Variants in OR3A2 observed in about 807,000 individuals in gnomAD.
OR3A2 encodes the protein olfactory receptor 3A2.
For missense variants in OR3A2, 318 were observed against 392.8 expected (o/e 0.81, Z 1.61); for synonymous variants, 126 against 159.3 (o/e 0.79, Z 1.57).
intron 3 of OR3A2, among the ~76,000 whole-genome samples, chr17:3,332,622 C>T (rs1224666381): frequency 1.3e-5 from 2 of 152,184 alleles, no homozygotes; most frequent in South Asian, 2.1e-4. Context: ...GTGAGATGAA[C>T]CTGGTACCTC....
upstream of OR3A2, among the ~76,000 whole-genome samples, chr17:3,285,258 C>G (rs1272632336): frequency 6.6e-6 from 1 of 152,140 alleles, no homozygotes; most frequent in East Asian, 1.9e-4. Flanking sequence ...AGAGAGAGGG[C>G]TCCTTCTTCT....
intron 3 of OR3A2, among the ~76,000 whole-genome samples, chr17:3,330,947 G>A (rs1213065146): frequency 5.9e-5 from 9 of 151,928 alleles, no homozygotes; most frequent in South Asian, 4.2e-4. Context: ...GTCTGTAAAG[G>A]ATTTTATTTC....
chr17:3,309,911 C>G (rs2049027539), intron 3 of OR3A2: 1 of 185,746 alleles, frequency 5.4e-6, no homozygotes, highest in South Asian at 1.2e-4. Flanking sequence ...CCCGAAGCTT[C>G]CCTTTCATCC....
intron 2 of OR3A2, among the ~76,000 whole-genome samples, chr17:3,338,177 TG>T (rs2049287460): frequency 6.6e-6 from 1 of 152,236 alleles, no homozygotes; most frequent in Non-Finnish European, 1.5e-5. Context: ...ATTAGCCCTT[TG>T]TCAGATGGGT....
intron 3 of OR3A2, among the ~76,000 whole-genome samples, chr17:3,324,217 T>C (rs1037209384): frequency 6.6e-6 from 1 of 152,130 alleles, no homozygotes; most frequent in Non-Finnish European, 1.5e-5. Flanking sequence ...ATCAGGTCTT[T>C]TAAGGACTTC....
intron 2 of OR3A2, among the ~76,000 whole-genome samples, chr17:3,371,069 C>T (rs899189747): frequency 1.3e-5 from 2 of 151,902 alleles, no homozygotes; most frequent in African/African-American, 4.8e-5. Context: ...CCCCACCTTT[C>T]CCCCCTTTCT....
intron 1 of OR3A2, among the ~76,000 whole-genome samples, chr17:3,282,629 T>C (rs538476078): frequency 6.6e-6 from 1 of 152,190 alleles, no homozygotes; most frequent in Non-Finnish European, 1.5e-5. Flanking sequence ...CTCCAAGAGG[T>C]CCTTAAAGTT....
At chr17:3,333,819 C>T (rs765772453) in intron 3 of OR3A2, among the ~76,000 whole-genome samples, 58 of 152,146 alleles carry the variant, frequency 3.8e-4, no homozygotes, top group Middle Eastern at 3.4e-3. Flanking sequence ...GAACAGACAA[C>T]CTACAGAATG....
At chr17:3,292,774 A>T (rs2150622494) in intron 3 of OR3A2, among the ~76,000 whole-genome samples, 1 of 152,102 alleles carries the variant, frequency 6.6e-6, no homozygotes, top group East Asian at 1.9e-4. Context: ...TACCTGAATA[A>T]CTTTATTTGC....
Position 3,319,524 on chromosome 17 carries a change from C to G in OR3A2, c.-85+16509G>C, listed in dbSNP as rs962694086. 8.5e-5 allele frequency among the ~76,000 whole-genome samples: 13 copies of G among 152,188 alleles called. No individual in the cohort carries two copies. In the East Asian group the frequency reaches 1.5e-3, roughly 18 times the overall value. On this transcript the variant is annotated intron_variant, in intron 3 of 4. Coordinates refer to the OR3A2 transcript ENST00000573491. ...TATATCTCCTAATGCTATCCTTCCC[C>G]CATCCCACCACCCCACAACAGTCCC...
Position 3,291,610 on chromosome 17 carries a change from G to A in OR3A2, c.-84-12457C>T, listed in dbSNP as rs774662815. The A allele has an allele frequency of 6.5e-6, 10 of 1,540,672 alleles. No individual in the cohort carries two copies. The African/African-American group carries it at 1.1e-4, about 17-fold the overall frequency. ...ACTTTTCCTTTAGTACAAGACACAG[G>A]GAGAAAGGGTCAATTGAGACCTCCT... On this transcript the variant is annotated intron_variant, in intron 3 of 4. Coordinates refer to the OR3A2 transcript ENST00000573491.
intron 2 of OR3A2, among the ~76,000 whole-genome samples, chr17:3,364,211 GT>G (rs1433086376): frequency 2.6e-5 from 4 of 152,102 alleles, no homozygotes; most frequent in Non-Finnish European, 5.9e-5. Flanking sequence ...ATTTTATTAT[GT>G]TTTATTGTAT....
chr17:3,282,047 C>T (rs183255924), intron 1 of OR3A2, among the ~76,000 whole-genome samples: 29 of 152,194 alleles, frequency 1.9e-4, no homozygotes, highest in African/African-American at 6.7e-4. Flanking sequence ...TTCTCCATAC[C>T]GGACATGAAG....
chr17:3,309,808 C>T (rs556844813), intron 3 of OR3A2, among the ~76,000 whole-genome samples: 32 of 152,024 alleles, frequency 2.1e-4, no homozygotes, highest in East Asian at 3.9e-4. Context: ...GTCTGGGCCA[C>T]GACAGGCATC....
chr17:3,372,155 C>A (rs2049633667), intron 2 of OR3A2, among the ~76,000 whole-genome samples: 1 of 151,104 alleles, frequency 6.6e-6, no homozygotes, highest in South Asian at 2.1e-4. Flanking sequence ...AGGGTCGCGG[C>A]CGGGTAGAGG....
intron 3 of OR3A2, among the ~76,000 whole-genome samples, chr17:3,335,495 G>C (rs958109690): frequency 6.6e-6 from 1 of 151,870 alleles, no homozygotes; most frequent in Non-Finnish European, 1.5e-5. Context: ...ACTGATTTGT[G>C]GTATTTAATT....
intron 3 of OR3A2, chr17:3,292,722 C>T: frequency 1.5e-6 from 1 of 661,620 alleles, no homozygotes; most frequent in South Asian, 2.0e-5. Flanking sequence ...GAATTTTGCG[C>T]TCCTTAGGCC....
chr17:3,287,566 AC>A (rs989868299), upstream of OR3A2, among the ~76,000 whole-genome samples: 4 of 152,064 alleles, frequency 2.6e-5, no homozygotes, highest in African/African-American at 9.7e-5. Context: ...TCAGAGTTGG[AC>A]TTGCTGGATT....
At chr17:3,279,242 G>A in intron 1 of OR3A2, 89 bp from the exon 4 acceptor site, 1 of 419,504 alleles carries the variant, frequency 2.4e-6, no homozygotes, top group East Asian at 4.0e-5. Context: ...CCACAGGGGG[G>A]AAATGGGTAA....
Sources: allele counts gnomAD v4.1 joint callset (sites outside exome capture counted in the v4.1 genomes callset), GRCh38; gene constraint gnomAD v4.1.1; transcripts MANE v1.5; gene names NCBI Gene and HGNC (gene_info 2026-07-23, HGNC 2026-07-21).